TUBGCP2: variants seen among roughly 807,000 people sequenced by gnomAD.
The protein encoded by TUBGCP2 is tubulin gamma complex component 2, also known as gamma-tubulin complex component 2.
In TUBGCP2, 55 loss-of-function variants were observed where a neutral mutation model predicts 92.2. That is an observed-to-expected ratio of 0.60 (90% CI 0.48 to 0.75). The LOEUF (loss-of-function observed/expected upper bound fraction) is 0.75, where lower values mean the gene tolerates loss of function less well. Ranked by LOEUF, TUBGCP2 falls within the 30% of genes least tolerant of loss-of-function variation. The probability of loss-of-function intolerance (pLI) is 0.00; values close to 1 mark genes in which losing one functional copy is unlikely to be tolerated. For synonymous variants in TUBGCP2, 533 were observed against 505.2 expected, an observed-to-expected ratio of 1.06 and a Z score of -0.74; for missense variants, 1,093 against 1,188.9, an observed-to-expected ratio of 0.92 and a Z score of 1.19.
intron 11 of TUBGCP2, among the ~76,000 whole-genome samples, 166 bp downstream of exon 11, chr10:133,287,963 C>A (rs1037193530): frequency 2.6e-5 from 4 of 152,158 alleles, no homozygotes; most frequent in Non-Finnish European, 2.9e-5. Context: ...GGCACAAAGA[C>A]CCCCGATCCC....
intron 2 of TUBGCP2, 75 bp downstream of exon 2, chr10:133,302,715 GGT>G: frequency 6.3e-7 from 1 of 1,581,640 alleles, no homozygotes; most frequent in South Asian, 1.1e-5. Flanking sequence ...CTGACCCAGG[GGT>G]GGGCTCACCC....
In TUBGCP2 at chr10:133,288,888, A is replaced by T; in HGVS notation, c.1493T>A (p.Val498Glu). 1 of 1,614,040 alleles carries T rather than the reference A, an allele frequency of 6.2e-7. No homozygotes were observed. Among genetic ancestry groups the T allele is most frequent in the South Asian group, 1.1e-5 (1 of 91,044 alleles). Residue 498 changes from valine (V) to glutamate (E), a missense_variant, in exon 10 of 18, where the codon GTG becomes GAG. This residue lies in a region of TUBGCP2 where 598 missense variants were observed against 675.5 expected (regional missense o/e 0.89). Transcript: ENST00000252936. ...CTCCTCCATCAGGAAGTCCAGCAGC[A>T]CCTTGCTGGCGTAGTTAAACGCCTT... ...IEKAFNYASK[V>E]LLDFLMEEKE... is the part of the protein sequence containing the mutation.
chr10:133,292,682 G>A lies in TUBGCP2; in HGVS notation c.1031C>T (p.Ser344Leu), dbSNP rs142117454. ...CCCAAGACATTCGCCTTTGTCCACC[G>A]AGGTGGCTGTGGGGAGAAAGGAGGG... ...TMDILASLAT[S>L]VDKGECLGGS... The change falls in exon 8 of 18, where the codon TCG (serine) becomes TTG (leucine). Residue 344 changes from serine (S) to leucine (L), a missense_variant. By Grantham distance (145) the Ser-to-Leu change is moderately radical. Transcript: ENST00000252936. 1.2e-3 allele frequency: 1,957 copies of A among 1,612,770 alleles called. 2 individuals are homozygous for A. Among genetic ancestry groups the A allele is most frequent in the Non-Finnish European group, 1.3e-3 (1,576 of 1,179,366 alleles).
chr10:133,310,534 G>C (rs776188472), upstream of TUBGCP2: 10 of 540,496 alleles, frequency 1.9e-5, no homozygotes, highest in Non-Finnish European at 3.3e-5. Flanking sequence ...GGCAGCAGAG[G>C]GGGTGTGGGA....
In TUBGCP2 at chr10:133,292,633, G is replaced by C; in HGVS notation, c.1080C>G (p.His360Gln). Residue 360 changes from histidine (H) to glutamine (Q), a missense_variant, in exon 8 of 18, where the codon CAC (histidine) becomes CAG (glutamine). By Grantham distance (24) the His-to-Gln change is conservative. Transcript: ENST00000252936. Reference protein sequence around the residue: ...CLGGSTLSLLHDRSFSYTGDS... With the variant: ...CLGGSTLSLLQDRSFSYTGDS... ...CCCCTGTGTAGCTGAAGCTCCTGTC[G>C]TGGAGCAGGCTCAGCGTGGACCCCC... 1 of 1,614,118 alleles carries C rather than the reference G, an allele frequency of 6.2e-7. No individual in the cohort carries two copies. The highest frequency in any genetic ancestry group is 8.5e-7 in the Non-Finnish European group (1 of 1,180,000).
At chr10:133,294,198 A>G (rs941389355) in intron 5 of TUBGCP2, among the ~76,000 whole-genome samples, 2 of 152,254 alleles carry the variant, frequency 1.3e-5, no homozygotes, top group African/African-American at 2.4e-5. Flanking sequence ...GATAATTTCT[A>G]TCCAGAGAGG....
chr10:133,310,283 C>T (rs377005640), upstream of TUBGCP2: 26 of 1,613,780 alleles, frequency 1.6e-5, no homozygotes, highest in Non-Finnish European at 2.2e-5. Context: ...CAAAGAAAAG[C>T]AGAAGGTAGG....
At chr10:133,303,410 A>C (rs1847728209) in intron 1 of TUBGCP2, among the ~76,000 whole-genome samples, 1 of 152,198 alleles carries the variant, frequency 6.6e-6, no homozygotes, top group African/African-American at 2.4e-5. Flanking sequence ...GGCAGCATGA[A>C]TGGGGCCTGA....
At chr10:133,281,212 G>A (rs1240108192) in intron 17 of TUBGCP2, 61 bp downstream of exon 17, 1 of 1,578,322 alleles carries the variant, frequency 6.3e-7, no homozygotes, top group South Asian at 1.1e-5. Flanking sequence ...GGGCGGTGCT[G>A]GGCAGGGGCA....
intron 14 of TUBGCP2, among the ~76,000 whole-genome samples, 186 bp from the exon 15 acceptor site, chr10:133,283,407 G>A (rs889265777): frequency 6.6e-6 from 1 of 152,262 alleles, no homozygotes; most frequent in Non-Finnish European, 1.5e-5. Flanking sequence ...ACCCCGAAGG[G>A]GTTTCATTTC....
At chr10:133,312,254 CGTCTGCCTTTCTAGCATGACCTGTACT>C (rs1173589249), upstream of TUBGCP2, 46 of 1,331,738 alleles carry the variant, frequency 3.5e-5, no homozygotes, top group South Asian at 6.7e-5. Context: ...TGACCTGTGC[CGTCTGCCTTTCTAGCATGACCTGTACT>C]GTCTGCCTTT....
chr10:133,302,828 C>G lies in TUBGCP2; in HGVS notation c.114G>C (p.Pro38=). 1.2e-6 allele frequency: 2 copies of G among 1,613,324 alleles called. No individual in the cohort carries two copies. The highest frequency in any genetic ancestry group is 1.7e-6 in the Non-Finnish European group (2 of 1,179,988). ...YIDLLQKNRT[P]YVTTTVSAHS... ...GAGCAGAGACAGTGGTAGTGACGTA[C>G]GGGGTCCTGTTCTTTTGAAGCAGGT... Residue 38 remains proline, a synonymous_variant, in exon 2 of 18, where the codon CCG becomes CCC. Transcript: ENST00000252936.
At chr10:133,282,937 T>G in intron 15 of TUBGCP2, 141 bp downstream of exon 15, 1 of 1,210,002 alleles carries the variant, frequency 8.3e-7, no homozygotes, top group South Asian at 1.5e-5. Flanking sequence ...AGACCAGGAG[T>G]TCTGGAAACA....
chr10:133,289,437 G>C (rs1238953651), intron 9 of TUBGCP2, among the ~76,000 whole-genome samples: 1 of 152,164 alleles, frequency 6.6e-6, no homozygotes, highest in African/African-American at 2.4e-5. Flanking sequence ...TCCAGGTCAG[G>C]CCCTAACCTG....
Position 133,292,675 on chromosome 10 carries a change from G to T in TUBGCP2, c.1038C>A (p.Asp346Glu), listed in dbSNP as rs562306482. The stretch of plus-strand genomic sequence containing the variant: ...TGGACCCCCCAAGACATTCGCCTTT[G>T]TCCACCGAGGTGGCTGTGGGGAGAA... ...DILASLATSV[D>E]KGECLGGSTL... is the part of the protein sequence containing the mutation. The change falls in exon 8 of 18, where the codon GAC becomes GAA. Residue 346 changes from aspartate to glutamate, a missense_variant. By Grantham distance (45) the Asp-to-Glu change is conservative (BLOSUM62 2). This residue lies in a region of TUBGCP2 where 490 missense variants were observed against 488.5 expected (regional missense o/e 1.00). Coordinates refer to ENST00000252936, the MANE Select transcript of TUBGCP2 (RefSeq NM_006659.4). The T allele has an allele frequency of 1.2e-6, 2 of 1,613,296 alleles. No homozygotes were observed. The highest frequency in any genetic ancestry group is 3.3e-5 in the Admixed American group (2 of 59,960).
Position 133,279,887 on chromosome 10 carries a change from C to T in TUBGCP2, c.2588G>A (p.Gly863Asp). The part of the protein sequence containing the change: ...ASVISRLDFN[G>D]FYTERLERLS... ...GCGCTCCAGGCGCTCCGTGTAGAAA[C>T]CATTGAAGTCAAGCCTGTGAGGAAG... The change falls in exon 18 of 18, where the codon GGT becomes GAT. Residue 863 changes from glycine to aspartate, a missense_variant. By Grantham distance (94) the Gly-to-Asp change is moderately conservative. Coordinates refer to ENST00000252936, the MANE Select transcript of TUBGCP2 (RefSeq NM_006659.4). The T allele has an allele frequency of 6.2e-7, 1 of 1,609,852 alleles. No individual in the cohort carries two copies. Among genetic ancestry groups the T allele is most frequent in the Non-Finnish European group, 8.5e-7 (1 of 1,178,616 alleles).
intron 6 of TUBGCP2, 38 bp from the exon 7 acceptor site, chr10:133,293,276 G>C (rs1007427880): frequency 6.2e-7 from 1 of 1,603,616 alleles, no homozygotes; most frequent in African/African-American, 1.3e-5. Context: ...AAAAAGGCAA[G>C]CTGCAGGCAC....
chr10:133,279,728 GCT>G lies in TUBGCP2; in HGVS notation c.*36_*37del. On this transcript the variant is annotated 3_prime_UTR_variant, in exon 18 of 18. Transcript: ENST00000252936. ...TCTGGACCCATTTGCACCAGTCCCT[GCT>G]GACCCCACACCCTTCCTTCCTGTCA... The G allele has an allele frequency of 6.6e-7, 1 of 1,526,100 alleles. No homozygotes were observed. The highest frequency in any genetic ancestry group is 8.8e-7 in the Non-Finnish European group (1 of 1,135,358). 94.5% of individuals were successfully genotyped at this position (1,526,100 alleles called of 1,614,324 possible).
upstream of TUBGCP2, chr10:133,309,721 C>G: frequency 2.5e-6 from 4 of 1,597,064 alleles, no homozygotes; most frequent in Non-Finnish European, 3.4e-6. Flanking sequence ...TGCAGAAAGT[C>G]CAGCTTGGTT....
Sources: gnomAD v4.1 joint callset for allele counts (sites outside exome capture counted in the v4.1 genomes callset) on GRCh38, gnomAD v4.1.1 for gene constraint, gnomAD v4.1.1 regional missense constraint, MANE v1.5 for transcripts, NCBI Gene and HGNC (gene_info 2026-07-23, HGNC 2026-07-21) for gene names.